APP: variants seen among roughly 807,000 people sequenced by gnomAD.
APP encodes amyloid beta precursor protein, also known as amyloid-beta precursor protein.
In APP, 31 loss-of-function variants were observed where a neutral mutation model predicts 101.4. That is an observed-to-expected ratio of 0.31 (90% CI 0.23 to 0.41). The LOEUF is 0.41. Ranked by LOEUF, APP falls within the 10% of genes least tolerant of loss-of-function variation. The probability of loss-of-function intolerance (pLI) is 1.00; values close to 1 mark genes in which losing one functional copy is unlikely to be tolerated. For synonymous variants in APP, 366 were observed against 364.4 expected, an observed-to-expected ratio of 1.00 and a Z score of -0.05; for missense variants, 839 against 1,003.7, an observed-to-expected ratio of 0.84 and a Z score of 2.22.
At chr21:26,002,397 A>C (rs890871555) in intron 6 of APP, among the ~76,000 whole-genome samples, 7 of 274 alleles carry the variant, frequency 0.026, no homozygotes, top group Non-Finnish European at 0.064. Flanking sequence ...GATCCCATCA[A>C]CTATAGCCAG....
At chr21:26,122,167 C>T (rs1036067350) in intron 1 of APP, among the ~76,000 whole-genome samples, 5 of 152,180 alleles carry the variant, frequency 3.3e-5, no homozygotes, top group African/African-American at 7.2e-5. Flanking sequence ...AGCTTTCAGG[C>T]GTCAGGCCAT....
At chr21:26,056,798 C>T (rs990179255) in intron 3 of APP, among the ~76,000 whole-genome samples, 1 of 152,036 alleles carries the variant, frequency 6.6e-6, no homozygotes, top group African/African-American at 2.4e-5. Context: ...AAATAGAAAC[C>T]TCATTGTATT....
At chr21:25,964,166 C>T (rs1017105780) in intron 11 of APP, among the ~76,000 whole-genome samples, 12 of 152,258 alleles carry the variant, frequency 7.9e-5, no homozygotes, top group African/African-American at 1.7e-4. Context: ...TTTGCTGATG[C>T]GGCTCTGATT....
At chr21:26,095,115 A>G (rs2061912839) in intron 2 of APP, among the ~76,000 whole-genome samples, 1 of 152,194 alleles carries the variant, frequency 6.6e-6, no homozygotes. Context: ...AAGTGTTGGG[A>G]TTACAGGCGT....
intron 11 of APP, among the ~76,000 whole-genome samples, chr21:25,956,009 A>G (rs1276780583): frequency 1.3e-5 from 2 of 152,048 alleles, no homozygotes; most frequent in Admixed American, 6.6e-5. Flanking sequence ...CTTACTCAAC[A>G]TTTTCTTTTT....
chr21:26,075,438 A>G (rs1179428410), intron 3 of APP, among the ~76,000 whole-genome samples: 1 of 152,194 alleles, frequency 6.6e-6, no homozygotes, highest in African/African-American at 2.4e-5. Context: ...CCAACCTATT[A>G]CCCTACAAGT....
intron 9 of APP, among the ~76,000 whole-genome samples, chr21:25,979,912 G>A (rs1383412341): frequency 4.6e-5 from 3 of 65,386 alleles, no homozygotes; most frequent in Non-Finnish European, 6.5e-5. Flanking sequence ...TAATGCAGGT[G>A]TGTCCAGAAA....
At chr21:25,971,740 C>T (rs1342936066) in intron 11 of APP, among the ~76,000 whole-genome samples, 2 of 152,168 alleles carry the variant, frequency 1.3e-5, no homozygotes, top group South Asian at 2.1e-4. Flanking sequence ...AGGAATAATG[C>T]CTCTTCCCAC....
chr21:25,942,608 G>A (rs1326948800), intron 13 of APP: 5 of 152,144 alleles, frequency 3.3e-5, no homozygotes, highest in Non-Finnish European at 5.9e-5. Flanking sequence ...GAGTAACAAA[G>A]ATTGGGCCCT....
At chr21:26,011,547 T>A (rs8184929) in intron 6 of APP, among the ~76,000 whole-genome samples, 72,792 of 151,826 alleles carry the variant, frequency 0.48, 21,211 homozygotes, top group Non-Finnish European at 0.65. Flanking sequence ...CTAAACATCC[T>A]ACAATGCACA....
chr21:26,110,047 T>C (rs935331350), intron 2 of APP, among the ~76,000 whole-genome samples: 20 of 152,210 alleles, frequency 1.3e-4, no homozygotes, highest in African/African-American at 4.6e-4. Flanking sequence ...AGAATGTAAA[T>C]ATTATTTCTA....
At chr21:26,154,847 A>G (rs1259755994) in intron 1 of APP, among the ~76,000 whole-genome samples, 1 of 152,218 alleles carries the variant, frequency 6.6e-6, no homozygotes, top group African/African-American at 2.4e-5. Flanking sequence ...TTCTCTTCCT[A>G]GACAGCTGCA....
chr21:25,893,578 A>T (rs1015865428), intron 16 of APP, among the ~76,000 whole-genome samples: 1 of 152,224 alleles, frequency 6.6e-6, no homozygotes, highest in African/African-American at 2.4e-5. Context: ...ACCAACCACA[A>T]CATTCTCTTA....
At position 25,912,948 on chromosome 21, in the gene APP, G is replaced by A. The variant is rs118134061; in HGVS notation, c.1688-986C>T. ...CTCTGATTTTTACAAATTAGAGACC[G>A]ACAGACAGCACTGCACTATTAACAA... On this transcript the variant is annotated intron_variant, in intron 13 of 17. Coordinates refer to ENST00000346798, the MANE Select transcript of APP (RefSeq NM_000484.4). 5.2e-3 allele frequency among the ~76,000 whole-genome samples: 799 copies of A among 152,234 alleles called. 4 individuals carry two copies. Among genetic ancestry groups the A allele is most frequent in the Non-Finnish European group, 8.5e-3 (575 of 68,014 alleles).
At chr21:26,086,291 T>C (rs1271264115) in intron 3 of APP, among the ~76,000 whole-genome samples, 2 of 152,204 alleles carry the variant, frequency 1.3e-5, no homozygotes, top group Non-Finnish European at 2.9e-5. Context: ...AAAGCCAACT[T>C]ATTCTCAAGG....
In APP at chr21:26,170,462, G is replaced by T. The variant is rs908637984; in HGVS notation, c.57+102C>A. The stretch of plus-strand genomic sequence containing the variant: ...CGGAGAGGAGAGGGGTCCCATTGAC[G>T]GACCCCCGGCTTCTCTGCATTAAAG... On this transcript the variant is annotated intron_variant, in intron 1 of 17. Coordinates refer to ENST00000346798, the MANE Select transcript of APP (RefSeq NM_000484.4). The T allele has an allele frequency of 1.2e-5, 15 of 1,276,982 alleles. No individual in the cohort carries two copies. In the African/African-American group the frequency reaches 1.7e-4, roughly 14 times the overall value. 79.1% of individuals were successfully genotyped at this position (1,276,982 alleles called of 1,614,324 possible).
intron 1 of APP, among the ~76,000 whole-genome samples, chr21:26,115,011 T>G (rs1568992298): frequency 6.6e-6 from 1 of 152,222 alleles, no homozygotes; most frequent in Non-Finnish European, 1.5e-5. Context: ...TCTCATGTTG[T>G]CTTCATTTTA....
chr21:25,985,585 T>C (rs2146614305), intron 8 of APP, among the ~76,000 whole-genome samples: 1 of 152,278 alleles, frequency 6.6e-6, no homozygotes. Flanking sequence ...CCACCAGCTC[T>C]CCTGGGTCTC....
intron 6 of APP, among the ~76,000 whole-genome samples, chr21:26,018,589 A>G (rs530975509): frequency 6.6e-6 from 1 of 152,320 alleles, no homozygotes; most frequent in South Asian, 2.1e-4. Context: ...ATTATCTCGC[A>G]TGGGCACAAC....
Sources: gnomAD v4.1 joint callset for allele counts (sites outside exome capture counted in the v4.1 genomes callset) on GRCh38, gnomAD v4.1.1 for gene constraint, MANE v1.5 for transcripts, NCBI Gene and HGNC (gene_info 2026-07-23, HGNC 2026-07-21) for gene names.